Variants in LMO2 observed in about 807,000 individuals in gnomAD.
The protein encoded by LMO2 is LIM domain only 2.
In LMO2, 20 loss-of-function variants were observed where a neutral mutation model predicts 23.2. The observed-to-expected ratio is 0.86, with a 90% CI of 0.61 to 1.25. LMO2 has a LOEUF of 1.25. Among genes scored for constraint, LMO2 ranks in the 50% most tolerant of loss-of-function variants. LMO2 has a pLI of 0.00. For synonymous variants in LMO2, 123 were observed against 130.2 expected, an observed-to-expected ratio of 0.94 and a Z score of 0.38; for missense variants, 270 against 315.3, an observed-to-expected ratio of 0.86 and a Z score of 1.09.
intron 1 of LMO2, among the ~76,000 whole-genome samples, chr11:33,888,800 C>T (rs55722559): frequency 8.3e-4 from 126 of 152,310 alleles, no homozygotes; most frequent in African/African-American, 2.9e-3. Flanking sequence ...GTTTTGTTGA[C>T]GTCTACGTAT....
At chr11:33,876,120 C>G (rs1380848975) in intron 2 of LMO2, among the ~76,000 whole-genome samples, 2 of 152,186 alleles carry the variant, frequency 1.3e-5, no homozygotes, top group African/African-American at 2.4e-5. Context: ...CCATGGCTCC[C>G]ATGTACTTCA....
chr11:33,889,667 T>C (rs778993518), intron 1 of LMO2, among the ~76,000 whole-genome samples: 4 of 152,190 alleles, frequency 2.6e-5, no homozygotes, highest in African/African-American at 9.7e-5. Flanking sequence ...CTAGTGGCGA[T>C]GTGGAGAAAA....
intron 2 of LMO2, chr11:33,881,087 C>T (rs770633375): frequency 9.0e-6 from 4 of 442,176 alleles, no homozygotes; most frequent in South Asian, 6.4e-5. Context: ...TATAGCAGGT[C>T]CCATCTCCAT....
rs1856471338 is a variant in LMO2 at position 33,859,152 on chromosome 11, T to A, written c.*204A>T. On this transcript the variant is annotated 3_prime_UTR_variant, in exon 6 of 6. Coordinates refer to ENST00000257818, the MANE Select transcript of LMO2 (RefSeq NM_005574.4). ...TGGCCATAAGTTCTCCCTCAAGGGC[T>A]GGTCCTTCTGTCACCTTGAAGTGTC... The A allele has an allele frequency of 1.8e-6, 1 of 551,322 alleles. No individual in the cohort carries two copies. The highest frequency in any genetic ancestry group is 3.1e-5 in the Admixed American group (1 of 31,746). The allele number at this position is 551,322 out of a possible 1,614,324, so 34.2% of individuals were successfully genotyped here. A position where few individuals can be genotyped will look rare whatever the true frequency, so the allele number is the denominator to read the frequency against.
rs1050216353 is a variant in LMO2 at position 33,869,654 on chromosome 11, G to A, written c.7+56C>T. ...CGCGCCGCGGCCGAGGCGGGGGCCG[G>A]GGCGCGCAGCCTGGCTCCAGGCGGC... On this transcript the variant is annotated intron_variant, in intron 3 of 5. Coordinates refer to ENST00000257818, the MANE Select transcript of LMO2 (RefSeq NM_005574.4). 4.9e-4 allele frequency: 616 copies of A among 1,260,380 alleles called. 4 individuals are homozygous for A. Among genetic ancestry groups the A allele is most frequent in the Non-Finnish European group, 5.7e-4 (570 of 994,020 alleles). 78.1% of individuals were successfully genotyped at this position (1,260,380 alleles called of 1,614,324 possible).
chr11:33,889,517 G>A (rs1857492790), intron 1 of LMO2, among the ~76,000 whole-genome samples: 1 of 152,190 alleles, frequency 6.6e-6, no homozygotes, highest in Non-Finnish European at 1.5e-5. Flanking sequence ...CAGCAGTGAG[G>A]AGGAAGCATC....
At chr11:33,859,663 C>A in intron 5 of LMO2, 88 bp from the exon 6 acceptor site, 1 of 1,246,954 alleles carries the variant, frequency 8.0e-7, no homozygotes, top group Non-Finnish European at 1.1e-6. Flanking sequence ...GAAAGGAGGC[C>A]GAACTTTCAG....
rs1433043089 is a variant in LMO2 at position 33,880,846 on chromosome 11, C to T, written c.-272+978G>A. The T allele has an allele frequency of 4.3e-6, 1 of 231,148 alleles. No homozygotes were observed. The highest frequency in any genetic ancestry group is 8.7e-6 in the Non-Finnish European group (1 of 114,468). The allele number at this position is 231,148 out of a possible 1,614,324, so 14.3% of individuals were successfully genotyped here. A position where few individuals can be genotyped will look rare whatever the true frequency, so the allele number is the denominator to read the frequency against. ...AACCAAATGTTATGGGGAAGCCAGT[C>T]TCATGAGCTCCAACACATTCTTCAG... is the stretch of plus-strand genomic sequence containing the variant. On this transcript the variant is annotated intron_variant, in intron 2 of 5. Coordinates refer to ENST00000257818, the MANE Select transcript of LMO2 (RefSeq NM_005574.4). The surrounding 1 kb of genome is among the most constrained non-coding windows in gnomAD (Gnocchi z 4.3).
rs1856728538 is a variant in LMO2, at chr11:33,864,953, C to T, written c.249-136G>A. The T allele has an allele frequency of 3.8e-6, 3 of 784,516 alleles. No individual in the cohort carries two copies. Among genetic ancestry groups the T allele is most frequent in the East Asian group, 2.7e-5 (1 of 37,666 alleles). The allele number at this position is 784,516 out of a possible 1,614,324, so 48.6% of individuals were successfully genotyped here. A position where few individuals can be genotyped will look rare whatever the true frequency, so the allele number is the denominator to read the frequency against. ...ACCTAAGGGAGAAGGGACAGGACAA[C>T]ACATCCCTTGGCCAGACTGCAGAGT... On this transcript the variant is annotated intron_variant, in intron 4 of 5. Coordinates refer to ENST00000257818, the MANE Select transcript of LMO2 (RefSeq NM_005574.4). This position sits in a 1 kb window ranked among gnomAD's most constrained non-coding sequence, Gnocchi z 4.8.
At chr11:33,861,655 G>C (rs1856585667) in intron 5 of LMO2, among the ~76,000 whole-genome samples, 1 of 152,208 alleles carries the variant, frequency 6.6e-6, no homozygotes, top group Admixed American at 6.5e-5. Flanking sequence ...GTTTGGGCCT[G>C]AGCAAGGATG....
At chr11:33,870,925 G>T in intron 2 of LMO2, 1 of 345,970 alleles carries the variant, frequency 2.9e-6, no homozygotes, top group Non-Finnish European at 4.1e-6. Context: ...GCCCTTCCGT[G>T]GAGAAAAACT....
rs558617830 is a variant in LMO2 at position 33,862,535 on chromosome 11, A to G, written c.464+2067T>C. ...GCATGGGGGTCTCATGAATGTTTGA[A>G]GCTAAATGTCGGAAAAGAACTGTAA... On this transcript the variant is annotated intron_variant, in intron 5 of 5. Coordinates refer to ENST00000257818, the MANE Select transcript of LMO2 (RefSeq NM_005574.4). 3.9e-5 allele frequency among the ~76,000 whole-genome samples: 6 copies of G among 152,312 alleles called. No individual in the cohort carries two copies. In the South Asian group the frequency reaches 1.0e-3, roughly 26 times the overall value.
intron 5 of LMO2, 76 bp from the exon 6 acceptor site, chr11:33,859,651 T>G (rs1228463517): frequency 2.2e-6 from 3 of 1,389,216 alleles, no homozygotes; most frequent in African/African-American, 2.9e-5. Flanking sequence ...GGATGAGCCC[T>G]AGAAAGGAGG....
chr11:33,870,252 C>G (rs1590641518), intron 2 of LMO2: 2 of 663,866 alleles, frequency 3.0e-6, no homozygotes, highest in East Asian at 1.3e-4. Context: ...TTCCCCTCTT[C>G]CGCCTTTCCC....
intron 2 of LMO2, among the ~76,000 whole-genome samples, chr11:33,873,893 T>C (rs551919271): frequency 9.8e-5 from 15 of 152,356 alleles, no homozygotes; most frequent in East Asian, 9.6e-4. Context: ...TAAGGTTACA[T>C]TCCTTTGCTA....
intron 1 of LMO2, among the ~76,000 whole-genome samples, chr11:33,888,558 C>T (rs573970995): frequency 6.6e-5 from 10 of 152,262 alleles, no homozygotes; most frequent in East Asian, 5.8e-4. Flanking sequence ...CTCCTTCTTC[C>T]GGGAACATTC....
intron 2 of LMO2, among the ~76,000 whole-genome samples, chr11:33,871,747 G>A (rs1216838809): frequency 1.3e-5 from 2 of 152,086 alleles, no homozygotes; most frequent in Non-Finnish European, 2.9e-5. Flanking sequence ...GTGATGAACA[G>A]TTTACCTACT....
rs1857072628 is a variant in LMO2 at position 33,873,550 on chromosome 11, A to G, written c.-271-3563T>C. Among the ~76,000 whole-genome samples, 3 of 152,232 alleles carry G rather than the reference A, an allele frequency of 2.0e-5. No individual in the cohort carries two copies. The South Asian group carries it at 6.2e-4, about 31-fold the overall frequency. On this transcript the variant is annotated intron_variant, in intron 2 of 5. Transcript: ENST00000257818. ...TCCCTTAACAACTAGTACATGCCTT[A>G]TGCAGAAGAGAGACTCAGGAACTAT...
chr11:33,860,834 C>T (rs991343251), intron 5 of LMO2, among the ~76,000 whole-genome samples: 2 of 152,170 alleles, frequency 1.3e-5, no homozygotes, highest in Non-Finnish European at 2.9e-5. Context: ...TCCTTCCCTA[C>T]CCAACTGAGA....
Sources: allele counts gnomAD v4.1 joint callset (sites outside exome capture counted in the v4.1 genomes callset), GRCh38; gene constraint gnomAD v4.1.1; non-coding constraint Gnocchi (gnomAD v3.1); transcripts MANE v1.5; gene names NCBI Gene and HGNC (gene_info 2026-07-23, HGNC 2026-07-21).